Variants in AMMECR1 observed in about 807,000 individuals in gnomAD.
The protein encoded by AMMECR1 is AMMECR nuclear protein 1.
A neutral mutation model predicts 22.5 loss-of-function variants in AMMECR1; 3 were observed. The ratio of observed to expected loss-of-function variants is 0.13; its 90% confidence interval spans 0.06 to 0.35. The LOEUF (loss-of-function observed/expected upper bound fraction) is 0.35, where lower values mean the gene tolerates loss of function less well. Among genes scored for constraint, AMMECR1 ranks in the 10% least tolerant of loss-of-function variants. The pLI, the probability that AMMECR1 is intolerant of heterozygous loss-of-function variation, is 1.00. For synonymous variants in AMMECR1, 130 were observed against 116.7 expected (o/e 1.11, Z -0.74); for missense variants, 235 against 278.7 (o/e 0.84, Z 1.12).
chrX:110,336,529 CAAAA>C (rs1470560202), intron 2 of AMMECR1, among the ~76,000 whole-genome samples: 2 of 107,214 alleles, frequency 1.9e-5, no homozygotes, highest in African/African-American at 3.5e-5. Flanking sequence ...ACTAAAAAAA[CAAAA>C]CAAAACAAAA....
intron 2 of AMMECR1, among the ~76,000 whole-genome samples, chrX:110,229,345 A>G (rs1242691072): frequency 8.9e-6 from 1 of 112,254 alleles, no homozygotes; most frequent in East Asian, 2.8e-4. Context: ...TCTCCCATTG[A>G]AAAGGTCCTA....
At chrX:110,334,793 A>G (rs963506620) in intron 2 of AMMECR1, among the ~76,000 whole-genome samples, 1 of 112,118 alleles carries the variant, frequency 8.9e-6, no homozygotes, top group African/African-American at 3.2e-5. Flanking sequence ...TTCATAACAT[A>G]TAGTTGCTGA....
chrX:110,368,971 A>T (rs891227518), intron 2 of AMMECR1, among the ~76,000 whole-genome samples: 1 of 111,775 alleles, frequency 8.9e-6, no homozygotes, highest in African/African-American at 3.3e-5. Flanking sequence ...TCTTTACATG[A>T]GGACTTCCAG....
intron 1 of AMMECR1, 40 bp downstream of exon 1, chrX:110,317,559 C>G (rs2148227284): frequency 8.9e-7 from 1 of 1,126,341 alleles, no homozygotes; most frequent in Non-Finnish European, 1.2e-6. Flanking sequence ...AGCCCCATCC[C>G]GAGCGCAAGG....
intron 1 of AMMECR1, among the ~76,000 whole-genome samples, chrX:110,294,249 T>C (rs1261277582): frequency 1.8e-5 from 2 of 111,993 alleles, no homozygotes; most frequent in Non-Finnish European, 3.8e-5. Context: ...TTCACGGAGA[T>C]GAGATCAGCA....
At chrX:110,384,997 CCTAAGA>C (rs2068445178) in intron 2 of AMMECR1, among the ~76,000 whole-genome samples, 1 of 110,637 alleles carries the variant, frequency 9.0e-6, no homozygotes, top group South Asian at 3.9e-4. Context: ...ACTTTGAAAG[CCTAAGA>C]CTATCATAGT....
intron 1 of AMMECR1, among the ~76,000 whole-genome samples, chrX:110,430,530 C>T (rs1211506945): frequency 1.8e-5 from 2 of 111,829 alleles, no homozygotes; most frequent in Non-Finnish European, 3.8e-5. Context: ...ACCCTAGAGA[C>T]ACATCTACTT....
intron 2 of AMMECR1, among the ~76,000 whole-genome samples, chrX:110,394,826 A>T (rs1342570354): frequency 4.4e-5 from 5 of 112,852 alleles, no homozygotes; most frequent in Non-Finnish European, 9.4e-5. Context: ...CTTCTGTGAC[A>T]TTCTACTAGG....
At chrX:110,256,835 TA>T (rs2067713571) in intron 2 of AMMECR1, among the ~76,000 whole-genome samples, 1 of 111,766 alleles carries the variant, frequency 8.9e-6, no homozygotes, top group African/African-American at 3.2e-5. Flanking sequence ...AGATCATAAC[TA>T]AAATTTTAAT....
At chrX:110,367,984 T>TTAA (rs2068309740) in intron 2 of AMMECR1, among the ~76,000 whole-genome samples, 1 of 99,827 alleles carries the variant, frequency 1.0e-5, no homozygotes, top group African/African-American at 3.6e-5. Context: ...ATTATTATTA[T>TTAA]TATTATTATT....
At chrX:110,392,264 T>A (rs1374140675) in intron 2 of AMMECR1, among the ~76,000 whole-genome samples, 1 of 106,798 alleles carries the variant, frequency 9.4e-6, no homozygotes, top group East Asian at 2.9e-4. Context: ...CTCAAATTTC[T>A]ACCACAGGTT....
chrX:110,235,417 G>A (rs2067595151), intron 2 of AMMECR1, among the ~76,000 whole-genome samples: 1 of 112,575 alleles, frequency 8.9e-6, no homozygotes, highest in Non-Finnish European at 1.9e-5. Flanking sequence ...GTGGAAGACA[G>A]TGTGGAGATT....
At chrX:110,306,188 G>A (rs1452106847) in intron 1 of AMMECR1, among the ~76,000 whole-genome samples, 3 of 107,500 alleles carry the variant, frequency 2.8e-5, no homozygotes, top group African/African-American at 6.8e-5. Flanking sequence ...CTAGCTACTC[G>A]GGAGGCTGAG....
At chrX:110,222,530 G>A (rs1221423180) in intron 2 of AMMECR1, among the ~76,000 whole-genome samples, 3 of 96,834 alleles carry the variant, frequency 3.1e-5, no homozygotes, top group Non-Finnish European at 6.2e-5. Context: ...GCACCAGCAT[G>A]GCACATGTAT....
intron 1 of AMMECR1, among the ~76,000 whole-genome samples, chrX:110,272,501 C>T (rs1416194034): frequency 8.9e-6 from 1 of 111,746 alleles, no homozygotes; most frequent in Non-Finnish European, 1.9e-5. Flanking sequence ...AACAGTTAAG[C>T]GTTTTTTATT....
intron 2 of AMMECR1, among the ~76,000 whole-genome samples, chrX:110,224,486 G>C (rs2067521303): frequency 1.8e-5 from 2 of 109,802 alleles, no homozygotes; most frequent in Non-Finnish European, 3.8e-5. Context: ...TGGTTTACTG[G>C]TTACCAACTG....
chrX:110,324,663 T>A (rs1264646379), intron 2 of AMMECR1, among the ~76,000 whole-genome samples: 4 of 109,358 alleles, frequency 3.7e-5, no homozygotes, highest in South Asian at 4.0e-4. Flanking sequence ...TTTTTTTTTT[T>A]AATTTATCAT....
intron 1 of AMMECR1, chrX:110,309,234 A>G (rs1006689662): frequency 5.4e-5 from 6 of 111,664 alleles, no homozygotes; most frequent in African/African-American, 2.0e-4. Flanking sequence ...TTTTTCAGAG[A>G]CTCCATTCCA....
chrX:110,316,254 A>C (rs2068047159), intron 1 of AMMECR1, among the ~76,000 whole-genome samples: 1 of 112,289 alleles, frequency 8.9e-6, no homozygotes, highest in African/African-American at 3.2e-5. Flanking sequence ...ATATTAATTT[A>C]ATATTTTAGT....
Sources: gnomAD v4.1 joint callset for allele counts (sites outside exome capture counted in the v4.1 genomes callset) on GRCh38, gnomAD v4.1.1 for gene constraint, MANE v1.5 for transcripts, NCBI Gene and HGNC (gene_info 2026-07-23, HGNC 2026-07-21) for gene names.